Variants in PTPRC observed in about 807,000 individuals in gnomAD.
PTPRC encodes protein tyrosine phosphatase receptor type C.
Under a neutral mutation model 155.9 loss-of-function variants are expected in PTPRC, and 44 were observed. That is an observed-to-expected ratio of 0.28 (90% CI 0.22 to 0.36). The LOEUF (loss-of-function observed/expected upper bound fraction) is 0.36, where lower values mean the gene tolerates loss of function less well. PTPRC is among the 10% of genes least tolerant of loss of function. PTPRC has a pLI of 1.00. For missense variants in PTPRC, 1,401 were observed against 1,564.6 expected (o/e 0.90, Z 1.76); for synonymous variants, 525 against 533.1 (o/e 0.98, Z 0.21).
chr1:198,753,112 C>A (rs1655462177), intron 31 of PTPRC, among the ~76,000 whole-genome samples: 1 of 151,820 alleles, frequency 6.6e-6, no homozygotes, highest in Non-Finnish European at 1.5e-5. Flanking sequence ...ATGGGTATCA[C>A]CTTACACATA....
intron 2 of PTPRC, among the ~76,000 whole-genome samples, chr1:198,641,091 CAA>C (rs1473340144): frequency 6.6e-6 from 1 of 151,924 alleles, no homozygotes; most frequent in Non-Finnish European, 1.5e-5. Context: ...TTTGAAAACT[CAA>C]CTTTATCTTC....
intron 10 of PTPRC, among the ~76,000 whole-genome samples, chr1:198,709,468 T>G (rs1000079558): frequency 6.6e-6 from 1 of 152,150 alleles, no homozygotes; most frequent in Admixed American, 6.5e-5. Context: ...CCAAAACACT[T>G]CTGGTGCCAG....
chr1:198,669,595 G>T (rs994116693), intron 2 of PTPRC, among the ~76,000 whole-genome samples: 43 of 152,014 alleles, frequency 2.8e-4, no homozygotes, highest in African/African-American at 1.0e-3. Context: ...CACCGACATG[G>T]AATCCACGGC....
At chr1:198,711,372 G>A (rs2102423876) in intron 11 of PTPRC, among the ~76,000 whole-genome samples, 1 of 152,142 alleles carries the variant, frequency 6.6e-6, no homozygotes, top group South Asian at 2.1e-4. Context: ...TTTGAAAACA[G>A]CACAAAATGT....
In PTPRC at chr1:198,749,432, G is replaced by T. The variant is rs771266712; in HGVS notation, c.2955G>T (p.Val985=). Residue 985 remains valine (V), a synonymous_variant, in exon 28 of 33, where the codon GTG becomes GTT. Transcript: ENST00000442510. The part of the protein sequence containing the change: ...SNVIPYDYNR[V]PLKHELEMSK... ...TTCACATAGATGACTATAACAGAGT[G>T]CCACTTAAACATGAGCTGGAAATGA... is the stretch of plus-strand genomic sequence containing the variant. 1.2e-6 allele frequency: 2 copies of T among 1,609,314 alleles called. No individual in the cohort carries two copies.
chr1:198,735,279 GT>G, intron 23 of PTPRC, 27 bp downstream of exon 23: 1 of 1,551,120 alleles, frequency 6.4e-7, no homozygotes, highest in Non-Finnish European at 8.8e-7. Context: ...CATAATTTTT[GT>G]TTTGATACTT....
At chr1:198,660,242 A>G (rs1016763189) in intron 2 of PTPRC, among the ~76,000 whole-genome samples, 28 of 151,766 alleles carry the variant, frequency 1.8e-4, no homozygotes, top group African/African-American at 6.5e-4. Flanking sequence ...GTTTAATTTT[A>G]TCATTTTCAA....
Position 198,695,426 on chromosome 1 carries a change from A to T in PTPRC, c.101-1286A>T, listed in dbSNP as rs1174500066. On this transcript the variant is annotated intron_variant, in intron 3 of 32. Coordinates refer to ENST00000442510, the MANE Select transcript of PTPRC (RefSeq NM_002838.5). ...AAAAGTAAATATATGTTAAGCAAAA[A>T]AAAAAAAAAAAATTAAATACATCTT... Among the ~76,000 whole-genome samples, 3 of 150,344 alleles carry T rather than the reference A, an allele frequency of 2.0e-5. No homozygotes were observed. The East Asian group carries it at 5.8e-4, about 29-fold the overall frequency.
chr1:198,718,151 T>A lies in PTPRC; in HGVS notation c.1508T>A (p.Val503Asp). The A allele has an allele frequency of 6.2e-7, 1 of 1,614,022 alleles. No homozygotes were observed. The highest frequency in any genetic ancestry group is 8.5e-7 in the Non-Finnish European group (1 of 1,179,884). The change falls in exon 14 of 33, where the codon GTC (valine) becomes GAC (aspartate). Residue 503 changes from valine (V) to aspartate (D), a missense_variant. Physicochemically the swap from Val to Asp is radical, Grantham distance 152 (BLOSUM62 -3). Around this residue, in one of 3 missense-constraint regions of PTPRC, gnomAD observed 867 missense variants for 970.4 expected, o/e 0.89. Coordinates refer to ENST00000442510, the MANE Select transcript of PTPRC (RefSeq NM_002838.5). ...ATGACATCAGATAATAGTATGCATG[T>A]CAAGTGTAGGCCTCCCAGGGACCGT... ...VSMTSDNSMH[V>D]KCRPPRDRNG...
intron 6 of PTPRC, 32 bp downstream of exon 6, chr1:198,702,562 G>A: frequency 6.2e-7 from 1 of 1,612,930 alleles, no homozygotes; most frequent in African/African-American, 1.3e-5. Flanking sequence ...AGTGTCTTCA[G>A]TTATAGATAA....
intron 27 of PTPRC, among the ~76,000 whole-genome samples, chr1:198,748,959 G>A (rs1655256945): frequency 6.6e-6 from 1 of 151,580 alleles, no homozygotes; most frequent in Non-Finnish European, 1.5e-5. Flanking sequence ...TTAAGAAACA[G>A]TGAGAAATTA....
At chr1:198,669,811 C>T (rs915030399) in intron 2 of PTPRC, among the ~76,000 whole-genome samples, 1 of 152,076 alleles carries the variant, frequency 6.6e-6, no homozygotes, top group Non-Finnish European at 1.5e-5. Context: ...GCTGTAAAGT[C>T]AACTGAATGA....
In PTPRC at chr1:198,756,174, G is replaced by A. The variant is rs148331492; in HGVS notation, c.3914G>A (p.Gly1305Asp). 1.9e-6 allele frequency: 3 copies of A among 1,613,066 alleles called. No individual in the cohort carries two copies. Among genetic ancestry groups the A allele is most frequent in the Non-Finnish European group, 2.5e-6 (3 of 1,179,500 alleles). ...CCTGCAAGTCCAGCTTTAAATCAAG[G>A]TTCATAGGAAAAGACATAAATGAGG... ...NGPASPALNQ[G>D]S The change falls in exon 33 of 33, where the codon GGT becomes GAT. Residue 1305 changes from glycine to aspartate, a missense_variant. Physicochemically the swap from Gly to Asp is moderately conservative, Grantham distance 94. Coordinates refer to ENST00000442510, the MANE Select transcript of PTPRC (RefSeq NM_002838.5).
rs111717163 is a variant in PTPRC at position 198,685,625 on chromosome 1, A to AT, written c.74-6721dup. Among the ~76,000 whole-genome samples the AT allele has an allele frequency of 1.9e-3, 270 of 141,444 alleles. 1 individual carries two copies. The highest frequency in any genetic ancestry group is 6.3e-3 in the African/African-American group (236 of 37,596). 92.8% of individuals were successfully genotyped at this position (141,444 alleles called of 152,430 possible). A position where few individuals can be genotyped will look rare whatever the true frequency, so the allele number is the denominator to read the frequency against. ...GTGGACCATATAGCAGATTTCTAGC[A>AT]TAAAAAAAGTGCAATTCTCTTATTT... On this transcript the variant is annotated intron_variant, in intron 2 of 32. Transcript: ENST00000442510.
chr1:198,666,526 A>G (rs1167671417), intron 2 of PTPRC, among the ~76,000 whole-genome samples: 1 of 152,202 alleles, frequency 6.6e-6, no homozygotes, highest in Admixed American at 6.5e-5. Flanking sequence ...ATGTAAAAAT[A>G]AAGGGTCTGT....
intron 2 of PTPRC, among the ~76,000 whole-genome samples, chr1:198,649,937 C>T (rs1202638024): frequency 6.6e-6 from 1 of 151,780 alleles, no homozygotes; most frequent in Admixed American, 6.6e-5. Context: ...TGGCCAGACC[C>T]AGATTTAGGG....
chr1:198,699,905 G>A (rs948151850), intron 5 of PTPRC: 1 of 686,544 alleles, frequency 1.5e-6, no homozygotes, highest in Admixed American at 2.6e-5. Context: ...AGTGAGAATT[G>A]TGAGACTACA....
intron 15 of PTPRC, among the ~76,000 whole-genome samples, chr1:198,725,659 A>C (rs1033563758): frequency 3.3e-5 from 5 of 151,606 alleles, no homozygotes; most frequent in Non-Finnish European, 5.9e-5. Flanking sequence ...CTTTCATTTA[A>C]TTTTCCTTTT....
In PTPRC at chr1:198,704,105, G is replaced by T. The variant is rs570704468; in HGVS notation, c.659-367G>T. Among the ~76,000 whole-genome samples, 5 of 151,864 alleles carry T rather than the reference G, an allele frequency of 3.3e-5. No homozygotes were observed. In the East Asian group the frequency reaches 9.7e-4, roughly 29 times the overall value. On this transcript the variant is annotated intron_variant, in intron 7 of 32. Coordinates refer to ENST00000442510, the MANE Select transcript of PTPRC (RefSeq NM_002838.5). ...GAAAAGTATAAACTTCGTACTATGGGGGTTATAATTATATAAATTAACATT... is the reference window on the plus strand; with the variant it reads ...GAAAAGTATAAACTTCGTACTATGGTGGTTATAATTATATAAATTAACATT...
Sources: gnomAD v4.1 joint callset for allele counts (sites outside exome capture counted in the v4.1 genomes callset) on GRCh38, gnomAD v4.1.1 for gene constraint, gnomAD v4.1.1 regional missense constraint, MANE v1.5 for transcripts, NCBI Gene and HGNC (gene_info 2026-07-23, HGNC 2026-07-21) for gene names.